The following USP28 variants were observed in gnomAD, a reference collection of about 807,000 sequenced individuals.
USP28 encodes ubiquitin carboxyl-terminal hydrolase 28.
A neutral mutation model predicts 145.0 loss-of-function variants in USP28; 113 were observed. The ratio of observed to expected loss-of-function variants is 0.78; its 90% CI spans 0.67 to 0.91. USP28 has a LOEUF of 0.91. Among genes scored for constraint, USP28 ranks in the 40% least tolerant of loss-of-function variants. The probability of loss-of-function intolerance (pLI) is 0.00; values close to 1 mark genes in which losing one functional copy is unlikely to be tolerated. For missense variants in USP28, 1,201 were observed against 1,289.6 expected, an observed-to-expected ratio of 0.93 and a Z score of 1.05; for synonymous variants, 447 against 450.9, an observed-to-expected ratio of 0.99 and a Z score of 0.11.
intron 1 of USP28, among the ~76,000 whole-genome samples, chr11:113,862,084 C>T (rs962543921): frequency 2.6e-5 from 4 of 152,074 alleles, no homozygotes; most frequent in East Asian, 1.9e-4. Flanking sequence ...TGGTGGCTCA[C>T]GCCTGTAATC....
intron 19 of USP28, 73 bp downstream of exon 20, chr11:113,806,416 C>T: frequency 3.7e-6 from 5 of 1,346,426 alleles, no homozygotes; most frequent in Admixed American, 3.9e-5. Flanking sequence ...CATTTTTTCC[C>T]TTCTTATAGA....
At chr11:113,864,320 A>G (rs1162754092) in intron 1 of USP28, among the ~76,000 whole-genome samples, 1 of 152,252 alleles carries the variant, frequency 6.6e-6, no homozygotes, top group Non-Finnish European at 1.5e-5. Flanking sequence ...GAACTGGAAA[A>G]CTGTACTAGT....
At chr11:113,798,072 T>G (rs908052388) in exon 25 of USP28, 5 of 70,000 alleles carry the variant, frequency 7.1e-5, no homozygotes, top group Non-Finnish European at 1.5e-4. Context: ...GCTGGTTTTT[T>G]TTTTTTTTTT....
chr11:113,815,174 C>A (rs1287284877), exon 14 of USP28: 1 of 1,612,782 alleles, frequency 6.2e-7, no homozygotes, highest in Non-Finnish European at 8.5e-7. Flanking sequence ...AAGAGCCAAC[C>A]TTGTATATCT....
intron 5 of USP28, among the ~76,000 whole-genome samples, chr11:113,836,456 G>A (rs114149205): frequency 0.01 from 1,539 of 152,080 alleles, 33 homozygotes; most frequent in African/African-American, 0.036. Flanking sequence ...CAACTGCCAC[G>A]CAGCTCCTTC....
At chr11:113,820,134 C>T (rs1011212643) in intron 12 of USP28, among the ~76,000 whole-genome samples, 1 of 152,184 alleles carries the variant, frequency 6.6e-6, no homozygotes, top group Non-Finnish European at 1.5e-5. Flanking sequence ...GTTAGAAACA[C>T]TTTACAAATT....
At chr11:113,851,401 C>T (rs1219085246) in intron 3 of USP28, among the ~76,000 whole-genome samples, 3 of 152,168 alleles carry the variant, frequency 2.0e-5, no homozygotes, top group African/African-American at 7.2e-5. Flanking sequence ...ACTCACTAAG[C>T]CTTAGCCCTG....
At chr11:113,859,831 G>A (rs1001814423) in intron 1 of USP28, among the ~76,000 whole-genome samples, 3 of 152,172 alleles carry the variant, frequency 2.0e-5, no homozygotes, top group Non-Finnish European at 4.4e-5. Context: ...TGCATTTCCT[G>A]AGCTAAATTC....
intron 3 of USP28, among the ~76,000 whole-genome samples, chr11:113,842,586 G>GAA (rs752642622): frequency 2.6e-5 from 2 of 77,950 alleles, no homozygotes; most frequent in Admixed American, 2.7e-4. Flanking sequence ...CTCCGTCTCA[G>GAA]AAAAAAAAAA....
intron 23 of USP28, 99 bp from the exon 25 acceptor site, chr11:113,801,777 A>G (rs1939071899): frequency 1.0e-6 from 1 of 969,406 alleles, no homozygotes; most frequent in African/African-American, 1.6e-5. Flanking sequence ...TTTACTGCAC[A>G]TTGGATGTAC....
intron 10 of USP28, chr11:113,828,720 G>GA (rs904848054): frequency 9.3e-5 from 29 of 310,190 alleles, no homozygotes; most frequent in African/African-American, 2.4e-4. Flanking sequence ...TTCCAACCCA[G>GA]AAAAAAAATA....
intron 23 of USP28, among the ~76,000 whole-genome samples, chr11:113,802,048 C>T (rs1212299981): frequency 3.3e-5 from 5 of 152,184 alleles, no homozygotes; most frequent in African/African-American, 4.8e-5. Flanking sequence ...GCCCAGGGCC[C>T]TTCCCAGGGA....
At chr11:113,845,128 A>C (rs1458585316) in intron 3 of USP28, among the ~76,000 whole-genome samples, 2 of 150,956 alleles carry the variant, frequency 1.3e-5, no homozygotes, top group African/African-American at 2.4e-5. Flanking sequence ...AAAAAAAAAA[A>C]AAAACAACAA....
At chr11:113,813,629 C>G in intron 15 of USP28, 1 of 435,768 alleles carries the variant, frequency 2.3e-6, no homozygotes, top group East Asian at 4.7e-5. Context: ...TATCTGACAG[C>G]AAACCTTTCT....
In USP28 at chr11:113,823,716, C is replaced by T; in HGVS notation, c.1188-16G>A. ...GTACATGTACCTAAGTAAATAATCC[C>T]ACAAACACAATTTATATTATAAAAC... On this transcript the variant is annotated splice_polypyrimidine_tract_variant and intron_variant, in intron 11 of 24. Coordinates refer to ENST00000003302, the Ensembl canonical transcript of USP28. The T allele has an allele frequency of 6.4e-7, 1 of 1,554,956 alleles. No individual in the cohort carries two copies. The highest frequency in any genetic ancestry group is 8.8e-7 in the Non-Finnish European group (1 of 1,141,882).
intron 2 of USP28, among the ~76,000 whole-genome samples, chr11:113,853,163 C>A (rs71477224): frequency 6.6e-5 from 10 of 151,790 alleles, no homozygotes; most frequent in Admixed American, 6.6e-4. Flanking sequence ...ACTAGCCAGG[C>A]GTGAGTCCCA....
At position 113,806,462 on chromosome 11, in the gene USP28, G is replaced by A. The variant is rs762391085; in HGVS notation, c.2400+27C>T. On this transcript the variant is annotated intron_variant, in intron 19 of 24. Coordinates refer to ENST00000003302, the Ensembl canonical transcript of USP28. ...CAATATTATGATGCCTATATTGTAAGAATTAGAATTTTAAAAACAGAGATA... is the reference window on the plus strand; with the variant it reads ...CAATATTATGATGCCTATATTGTAAAAATTAGAATTTTAAAAACAGAGATA... The A allele has an allele frequency of 1.3e-4, 211 of 1,574,026 alleles. 2 individuals carry two copies. In the East Asian group the frequency reaches 4.6e-3, roughly 34 times the overall value.
exon 13 of USP28, chr11:113,817,720 T>G (rs1941952625): frequency 6.2e-7 from 1 of 1,614,254 alleles, no homozygotes; most frequent in Non-Finnish European, 8.5e-7. Context: ...ATGTCATATG[T>G]GTGTCACTTT....
intron 1 of USP28, among the ~76,000 whole-genome samples, chr11:113,864,322 T>C (rs1242431944): frequency 6.6e-6 from 1 of 152,156 alleles, no homozygotes; most frequent in Non-Finnish European, 1.5e-5. Flanking sequence ...ACTGGAAAAC[T>C]GTACTAGTCA....
Sources: gnomAD v4.1 joint callset for allele counts (sites outside exome capture counted in the v4.1 genomes callset) on GRCh38, gnomAD v4.1.1 for gene constraint, MANE v1.5 for transcripts, NCBI Gene and HGNC (gene_info 2026-07-23, HGNC 2026-07-21) for gene names.